The following MAST4 variants were observed in gnomAD, a reference collection of about 807,000 sequenced individuals.
MAST4 encodes the protein microtubule-associated serine/threonine-protein kinase 4.
A neutral mutation model predicts 162.7 loss-of-function variants in MAST4; 89 were observed. That is an observed-to-expected ratio of 0.55 (90% CI 0.46 to 0.65). The LOEUF (loss-of-function observed/expected upper bound fraction) is 0.65. MAST4 is among the 30% of genes least tolerant of loss of function. The probability of loss-of-function intolerance (pLI) is 0.00; values close to 1 mark genes in which losing one functional copy is unlikely to be tolerated. For missense variants in MAST4, 3,153 were observed against 3,374.0 expected (o/e 0.93, Z 1.62); for synonymous variants, 1,479 against 1,361.1 (o/e 1.09, Z -1.91).
At chr5:66,759,609 G>A (rs1753737499) in intron 1 of MAST4, 100 bp from the exon 2 acceptor site, 1 of 1,440,934 alleles carries the variant, frequency 6.9e-7, no homozygotes, top group Admixed American at 2.0e-5. Flanking sequence ...AATGGAGTTT[G>A]AGAAGGAAAA....
intron 3 of MAST4, among the ~76,000 whole-genome samples, chr5:66,803,482 T>G (rs185360110): frequency 1.4e-5 from 2 of 140,306 alleles, no homozygotes; most frequent in African/African-American, 5.3e-5. Flanking sequence ...ACATTTTTAT[T>G]ATGCTGAGTT....
At chr5:67,073,725 A>G (rs901330064) in intron 5 of MAST4, among the ~76,000 whole-genome samples, 4 of 152,218 alleles carry the variant, frequency 2.6e-5, no homozygotes, top group Admixed American at 2.6e-4. Flanking sequence ...AAACATCACA[A>G]ACCACTGCAA....
At chr5:66,772,591 C>T (rs532689311) in intron 2 of MAST4, among the ~76,000 whole-genome samples, 1 of 152,134 alleles carries the variant, frequency 6.6e-6, no homozygotes, top group South Asian at 2.1e-4. Context: ...AGATGTAGAT[C>T]AGAGAGAGAA....
At chr5:66,977,163 C>T (rs1273746642) in intron 4 of MAST4, among the ~76,000 whole-genome samples, 10 of 152,082 alleles carry the variant, frequency 6.6e-5, no homozygotes, top group South Asian at 2.1e-4. Context: ...TGCAATGGTG[C>T]GATCTCGGCT....
intron 4 of MAST4, among the ~76,000 whole-genome samples, chr5:66,952,931 CTTTA>C (rs1174863481): frequency 6.6e-6 from 1 of 152,108 alleles, no homozygotes; most frequent in Non-Finnish European, 1.5e-5. Context: ...TTATGTGTGT[CTTTA>C]TTTATTTTCC....
At chr5:66,625,349 AT>A in intron 1 of MAST4, among the ~76,000 whole-genome samples, 1 of 152,220 alleles carries the variant, frequency 6.6e-6, no homozygotes, top group Non-Finnish European at 1.5e-5. Flanking sequence ...TATAAATACA[AT>A]ATTCCTCATG....
At chr5:67,137,155 C>T (rs1769763965) in intron 19 of MAST4, among the ~76,000 whole-genome samples, 1 of 152,202 alleles carries the variant, frequency 6.6e-6, no homozygotes, top group Non-Finnish European at 1.5e-5. Flanking sequence ...AAATGAGTGT[C>T]TGGGGTTGAA....
intron 3 of MAST4, among the ~76,000 whole-genome samples, chr5:66,861,533 T>C (rs745577581): frequency 6.6e-6 from 1 of 152,230 alleles, no homozygotes; most frequent in African/African-American, 2.4e-5. Context: ...CCTTTTTCAC[T>C]ATGATAGAGA....
At chr5:66,865,114 T>C (rs1241004328) in intron 3 of MAST4, among the ~76,000 whole-genome samples, 2 of 152,228 alleles carry the variant, frequency 1.3e-5, no homozygotes, top group African/African-American at 4.8e-5. Context: ...GGTGGTGTTC[T>C]TTGCTGGAGA....
intron 3 of MAST4, among the ~76,000 whole-genome samples, chr5:66,873,820 ATC>A (rs757778234): frequency 1.5e-4 from 23 of 152,156 alleles, no homozygotes; most frequent in Non-Finnish European, 3.2e-4. Flanking sequence ...AATCCTAAAA[ATC>A]TCTCTACACA....
chr5:66,713,952 A>G (rs1458104081), intron 1 of MAST4, among the ~76,000 whole-genome samples: 1 of 152,204 alleles, frequency 6.6e-6, no homozygotes, highest in East Asian at 1.9e-4. Flanking sequence ...TAAATACCTT[A>G]TATATATCTC....
At chr5:67,104,641 G>A in intron 10 of MAST4, 66 bp downstream of exon 10, 1 of 1,289,304 alleles carries the variant, frequency 7.8e-7, no homozygotes, top group Non-Finnish European at 1.1e-6. Flanking sequence ...ATTTTTTTTT[G>A]CTTACAAGTT....
intron 4 of MAST4, among the ~76,000 whole-genome samples, chr5:66,997,414 T>A (rs1308351442): frequency 1.3e-5 from 2 of 150,314 alleles, no homozygotes; most frequent in African/African-American, 5.0e-5. Flanking sequence ...ACCTAATTAA[T>A]GTGTTTTTTT....
intron 4 of MAST4, among the ~76,000 whole-genome samples, chr5:67,023,191 A>G (rs1325334387): frequency 6.6e-6 from 1 of 152,212 alleles, no homozygotes; most frequent in Non-Finnish European, 1.5e-5. Context: ...TAAGTTACAT[A>G]TTCCATTGTA....
chr5:66,673,526 T>TTTG (rs1456052042), intron 1 of MAST4, among the ~76,000 whole-genome samples: 22 of 120,724 alleles, frequency 1.8e-4, no homozygotes, highest in Non-Finnish European at 3.5e-4. Context: ...GTTTTTTGTT[T>TTTG]TTTGTTTTTT....
chr5:66,730,564 C>T (rs886981217), intron 1 of MAST4, among the ~76,000 whole-genome samples: 7 of 152,120 alleles, frequency 4.6e-5, no homozygotes, highest in Admixed American at 6.5e-5. Flanking sequence ...TTGCTGATGA[C>T]GGATTGCCGA....
intron 1 of MAST4, among the ~76,000 whole-genome samples, chr5:66,722,371 G>T (rs972270094): frequency 6.6e-6 from 1 of 151,250 alleles, no homozygotes; most frequent in Non-Finnish European, 1.5e-5. Context: ...AGTCTTCACC[G>T]AAAGTTATCT....
At chr5:66,663,514 G>A (rs78596238) in intron 1 of MAST4, among the ~76,000 whole-genome samples, 3,730 of 152,282 alleles carry the variant, frequency 0.024, 166 homozygotes, top group African/African-American at 0.086. Flanking sequence ...TGAGATGATA[G>A]CATTTGAATA....
intron 1 of MAST4, among the ~76,000 whole-genome samples, chr5:66,660,485 T>TA (rs1746835592): frequency 6.6e-6 from 1 of 152,216 alleles, no homozygotes; most frequent in African/African-American, 2.4e-5. Flanking sequence ...AACCAGGGGA[T>TA]ATGGGATTAT....
Sources: gnomAD v4.1 joint callset for allele counts (sites outside exome capture counted in the v4.1 genomes callset) on GRCh38, gnomAD v4.1.1 for gene constraint, MANE v1.5 for transcripts, NCBI Gene and HGNC (gene_info 2026-07-23, HGNC 2026-07-21) for gene names.